Variants in NINL observed in about 807,000 individuals in gnomAD.
NINL encodes the protein ninein-like protein.
In NINL, 153 loss-of-function variants were observed where a neutral mutation model predicts 160.3. That is an observed-to-expected ratio of 0.95 (90% CI 0.84 to 1.09). The LOEUF (loss-of-function observed/expected upper bound fraction) is 1.09, where lower values mean the gene tolerates loss of function less well. Ranked by LOEUF, NINL falls within the 50% of genes least tolerant of loss-of-function variation. NINL has a pLI of 0.00. For missense variants in NINL, 1,829 were observed against 1,764.0 expected (o/e 1.04, Z -0.66); for synonymous variants, 800 against 734.8 (o/e 1.09, Z -1.43).
At chr20:25,575,896 T>C (rs2065109873) in intron 1 of NINL, among the ~76,000 whole-genome samples, 1 of 152,150 alleles carries the variant, frequency 6.6e-6, no homozygotes, top group African/African-American at 2.4e-5. Context: ...ACTTCCTCCC[T>C]CCCTCCATAT....
At chr20:25,555,917 C>T (rs930451175) in intron 1 of NINL, among the ~76,000 whole-genome samples, 3 of 151,908 alleles carry the variant, frequency 2.0e-5, no homozygotes, top group African/African-American at 4.8e-5. Context: ...TCAGGTGATA[C>T]GCCCGCCTCG....
intron 2 of NINL, among the ~76,000 whole-genome samples, chr20:25,521,803 CT>C (rs1293097448): frequency 1.3e-5 from 2 of 152,204 alleles, no homozygotes; most frequent in Non-Finnish European, 2.9e-5. Flanking sequence ...GTTTCTGGGG[CT>C]CTTTGAGGCC....
Position 25,482,115 on chromosome 20 carries a change from C to G in NINL, c.1678-15G>C, listed in dbSNP as rs374215542. The G allele has an allele frequency of 1.3e-6, 2 of 1,587,624 alleles. No individual in the cohort carries two copies. Among genetic ancestry groups the G allele is most frequent in the Admixed American group, 3.4e-5 (2 of 59,652 alleles). ...TCCTGCAGGTCCTGTGGGGACAGAG[C>G]CAGCCACCTCCTCTAGCAGCTGCAG... On this transcript the variant is annotated splice_polypyrimidine_tract_variant and intron_variant, in intron 13 of 23. Coordinates refer to ENST00000278886, the MANE Select transcript of NINL (RefSeq NM_025176.6).
intron 1 of NINL, among the ~76,000 whole-genome samples, chr20:25,572,598 G>C (rs1362408026): frequency 6.6e-6 from 1 of 152,148 alleles, no homozygotes; most frequent in Non-Finnish European, 1.5e-5. Context: ...TCACAGATCT[G>C]CTAAGTGAAC....
At chr20:25,543,040 CA>C (rs11480769) in intron 1 of NINL, among the ~76,000 whole-genome samples, 12 of 130,650 alleles carry the variant, frequency 9.2e-5, no homozygotes, top group Non-Finnish European at 4.7e-5. Context: ...ACTCCGTCTT[CA>C]AAAAAAAAAA....
At chr20:25,458,592 T>C in intron 21 of NINL, 63 bp from the exon 22 acceptor site, 1 of 1,454,940 alleles carries the variant, frequency 6.9e-7, no homozygotes, top group Non-Finnish European at 9.1e-7. Flanking sequence ...AGGAGCACCC[T>C]CTCCATCCAA....
intron 3 of NINL, among the ~76,000 whole-genome samples, chr20:25,515,426 A>C (rs529965354): frequency 6.6e-6 from 1 of 152,222 alleles, no homozygotes; most frequent in Non-Finnish European, 1.5e-5. Flanking sequence ...CTACAGGCTC[A>C]TAGGCGGAAG....
At chr20:25,491,701 C>T (rs912141131) in intron 10 of NINL, among the ~76,000 whole-genome samples, 176 bp from the exon 11 acceptor site, 5 of 152,220 alleles carry the variant, frequency 3.3e-5, no homozygotes, top group African/African-American at 1.2e-4. Context: ...GTGGGTGCTC[C>T]TCCCTCACAG....
At chr20:25,462,331 C>T (rs2062809223) in intron 20 of NINL, 52 bp downstream of exon 20, 2 of 1,579,546 alleles carry the variant, frequency 1.3e-6, no homozygotes, top group South Asian at 1.2e-5. Flanking sequence ...GCCGCCTCCC[C>T]ACCCTGAGCT....
At position 25,491,375 on chromosome 20, in the gene NINL, G is replaced by A. The variant is rs140235118; in HGVS notation, c.1461C>T (p.Arg487=). Residue 487 remains arginine (R), a synonymous_variant, in exon 11 of 24, where the codon CGC becomes CGT. Transcript: ENST00000278886. ...GRLQAEEAGL[R]EKLTLALKEN... ...CCTTCAGGGCCAGGGTCAGCTTCTC[G>A]CGGAGGCCAGCCTCCTCAGCCTGCA... 3.4e-4 allele frequency: 552 copies of A among 1,610,178 alleles called. 4 individuals are homozygous for A. The highest frequency in any genetic ancestry group is 3.3e-3 in the South Asian group (297 of 91,002).
chr20:25,473,711 C>T (rs1568862385), intron 17 of NINL, among the ~76,000 whole-genome samples: 3 of 117,752 alleles, frequency 2.5e-5, no homozygotes, highest in African/African-American at 6.2e-5. Context: ...CACACACACA[C>T]ACACACATCA....
chr20:25,504,054 C>G lies in NINL; in HGVS notation c.759G>C (p.Val253=). Residue 253 remains valine (V), a synonymous_variant, in exon 7 of 24, where the codon GTG becomes GTC. Transcript: ENST00000278886. ...GGCCAAGCTGGAATTCCTCAAGACTCACTTTGCCGTCTCCGTCTTGATCCA... is the reference window on the plus strand; with the variant it reads ...GGCCAAGCTGGAATTCCTCAAGACTGACTTTGCCGTCTCCGTCTTGATCCA... ...NKLDQDGDGK[V]SLEEFQLGLF... 1 of 1,607,800 alleles carries G rather than the reference C, an allele frequency of 6.2e-7. No homozygotes were observed. The highest frequency in any genetic ancestry group is 8.5e-7 in the Non-Finnish European group (1 of 1,177,622).
At chr20:25,468,778 C>CCA (rs2062996658) in intron 18 of NINL, among the ~76,000 whole-genome samples, 1 of 143,100 alleles carries the variant, frequency 7.0e-6, no homozygotes, top group African/African-American at 2.7e-5. Flanking sequence ...GGTGGGCGCC[C>CCA]GCTTGCCCTG....
At chr20:25,528,235 A>G (rs1394751772) in intron 1 of NINL, among the ~76,000 whole-genome samples, 2 of 152,102 alleles carry the variant, frequency 1.3e-5, no homozygotes, top group African/African-American at 2.4e-5. Context: ...GAGTCTCACT[A>G]TGTTACCCAG....
chr20:25,518,432 A>G (rs1242084421), intron 2 of NINL, among the ~76,000 whole-genome samples: 1 of 151,958 alleles, frequency 6.6e-6, no homozygotes, highest in Non-Finnish European at 1.5e-5. Context: ...AAATGCTCAC[A>G]CTCTTTAATA....
At position 25,461,194 on chromosome 20, in the gene NINL, G is replaced by A. The variant is rs576486592; in HGVS notation, c.3696+328C>T. 2.0e-5 allele frequency among the ~76,000 whole-genome samples: 3 copies of A among 152,212 alleles called. No individual in the cohort carries two copies. In the South Asian group the frequency reaches 6.2e-4, roughly 32 times the overall value. Reference sequence around the variant, plus strand: ...CCCATGTCACCCCACTCCCAGGGCTGGAGCCTGCTGCCTTGGTTCTGACGA... The same window carrying A: ...CCCATGTCACCCCACTCCCAGGGCTAGAGCCTGCTGCCTTGGTTCTGACGA... On this transcript the variant is annotated intron_variant, in intron 21 of 23. Transcript: ENST00000278886.
chr20:25,555,430 T>C (rs1600335023), intron 1 of NINL, among the ~76,000 whole-genome samples: 1 of 152,194 alleles, frequency 6.6e-6, no homozygotes, highest in Non-Finnish European at 1.5e-5. Flanking sequence ...GGTAGATAAA[T>C]GAGAATTTTA....
intron 2 of NINL, 92 bp downstream of exon 2, chr20:25,526,316 G>C (rs1234047175): frequency 8.5e-7 from 1 of 1,170,326 alleles, no homozygotes. Context: ...TTTGACACTT[G>C]AATCCTTATT....
intron 1 of NINL, among the ~76,000 whole-genome samples, chr20:25,552,809 G>A (rs1027752931): frequency 8.5e-5 from 13 of 152,364 alleles, no homozygotes; most frequent in African/African-American, 2.4e-4. Context: ...GTAGCTCCAG[G>A]TGGCTCTTAC....
Sources: allele counts gnomAD v4.1 joint callset (sites outside exome capture counted in the v4.1 genomes callset), GRCh38; gene constraint gnomAD v4.1.1; transcripts MANE v1.5; gene names NCBI Gene and HGNC (gene_info 2026-07-23, HGNC 2026-07-21).